The following FAM184A variants were observed in gnomAD, a reference collection of about 807,000 sequenced individuals.
The protein encoded by FAM184A is family with sequence similarity 184 member A, also known as protein FAM184A.
In FAM184A, 99 loss-of-function variants were observed where a neutral mutation model predicts 143.8. The ratio of observed to expected loss-of-function variants is 0.69; its 90% confidence interval spans 0.58 to 0.81. The LOEUF is 0.81. FAM184A is among the 40% of genes least tolerant of loss of function. The probability of loss-of-function intolerance (pLI) is 0.00; values close to 1 mark genes in which losing one functional copy is unlikely to be tolerated. For missense variants in FAM184A, 1,217 were observed against 1,310.5 expected (o/e 0.93, Z 1.10); for synonymous variants, 427 against 446.4 (o/e 0.96, Z 0.55).
At chr6:119,131,536 A>G (rs1160540144) in intron 1 of FAM184A, among the ~76,000 whole-genome samples, 1 of 151,972 alleles carries the variant, frequency 6.6e-6, no homozygotes, top group Admixed American at 6.6e-5. Flanking sequence ...CCCAGGCTGG[A>G]ATGCAGTGGT....
chr6:119,022,031 T>G (rs2114685183), intron 3 of FAM184A, among the ~76,000 whole-genome samples: 1 of 150,354 alleles, frequency 6.7e-6, no homozygotes, highest in East Asian at 2.0e-4. Context: ...TCTTGAAAAG[T>G]GTGCTTCATT....
At chr6:119,047,625 A>C (rs982330196) in intron 1 of FAM184A, among the ~76,000 whole-genome samples, 21 of 152,224 alleles carry the variant, frequency 1.4e-4, no homozygotes, top group Non-Finnish European at 2.9e-4. Flanking sequence ...TAGAAAACCT[A>C]GAAGAGATGG....
chr6:118,976,200 T>A (rs1783842002), intron 11 of FAM184A, among the ~76,000 whole-genome samples, 156 bp from the exon 12 acceptor site: 1 of 152,214 alleles, frequency 6.6e-6, no homozygotes, highest in South Asian at 2.1e-4. Context: ...ATTTAAATAT[T>A]ACAGACTACA....
intron 7 of FAM184A, chr6:119,006,128 G>C: frequency 1.3e-6 from 1 of 765,260 alleles, no homozygotes; most frequent in Non-Finnish European, 2.4e-6. Flanking sequence ...GATAGGCAGA[G>C]ATGGAAATTA....
intron 9 of FAM184A, among the ~76,000 whole-genome samples, chr6:119,002,091 T>A (rs1206928345): frequency 6.6e-6 from 1 of 152,182 alleles, no homozygotes; most frequent in Non-Finnish European, 1.5e-5. Flanking sequence ...AGACACTGCA[T>A]GTATGTAGCT....
intron 1 of FAM184A, among the ~76,000 whole-genome samples, chr6:119,040,513 G>A (rs1027071234): frequency 1.3e-5 from 2 of 152,182 alleles, no homozygotes; most frequent in African/African-American, 4.8e-5. Context: ...GGGTGGCAGG[G>A]ACTTTAGGGT....
intron 15 of FAM184A, among the ~76,000 whole-genome samples, chr6:118,966,053 T>C (rs996350937): frequency 4.6e-5 from 7 of 152,156 alleles, no homozygotes; most frequent in Admixed American, 6.6e-5. Context: ...CCCAATCTGC[T>C]ACCTGTTGCT....
intron 14 of FAM184A, among the ~76,000 whole-genome samples, chr6:118,970,010 T>A (rs866577421): frequency 0.17 from 2,388 of 14,368 alleles, 714 homozygotes; most frequent in African/African-American, 0.45. Context: ...ATATATATAT[T>A]TTTTTTTTTT....
chr6:119,049,208 G>A (rs1386891179), intron 1 of FAM184A, among the ~76,000 whole-genome samples: 7 of 152,212 alleles, frequency 4.6e-5, no homozygotes, highest in Admixed American at 3.9e-4. Context: ...AGCCCTTTGG[G>A]AGGCCAAGAC....
At chr6:119,106,637 C>G (rs1788791806) in intron 1 of FAM184A, among the ~76,000 whole-genome samples, 1 of 152,136 alleles carries the variant, frequency 6.6e-6, no homozygotes, top group South Asian at 2.1e-4. Flanking sequence ...TTGGTTGGCT[C>G]TAACTTTAGT....
At position 118,986,778 on chromosome 6, in the gene FAM184A, C is replaced by G. The variant is rs144075044; in HGVS notation, c.2089-6428G>C. Among the ~76,000 whole-genome samples the G allele has an allele frequency of 3.1e-3, 479 of 152,184 alleles. 4 individuals are homozygous for G. Among genetic ancestry groups the G allele is most frequent in the Non-Finnish European group, 5.6e-3 (379 of 68,000 alleles). ...AATTAATTTTAAAAATAATCATATC[C>G]TATTTGGGTTCTTATTTCTATCCCA... is the stretch of plus-strand genomic sequence containing the variant. On this transcript the variant is annotated intron_variant, in intron 9 of 17. Transcript: ENST00000338891.
chr6:119,025,662 C>T (rs1582521015), intron 1 of FAM184A: 1 of 515,398 alleles, frequency 1.9e-6, no homozygotes, highest in East Asian at 5.5e-5. Context: ...GGATGCCATC[C>T]ATCATGCCAC....
chr6:119,087,332 A>G (rs1430093300), intron 1 of FAM184A, among the ~76,000 whole-genome samples: 1 of 152,252 alleles, frequency 6.6e-6, no homozygotes, highest in Non-Finnish European at 1.5e-5. Context: ...ACATTTGCAG[A>G]CCATGCTTCT....
At chr6:119,067,621 TA>T (rs1232373050) in intron 1 of FAM184A, among the ~76,000 whole-genome samples, 1 of 152,176 alleles carries the variant, frequency 6.6e-6, no homozygotes, top group East Asian at 1.9e-4. Context: ...GAAACACACA[TA>T]AAACAAGGTT....
chr6:118,972,592 C>A (rs1410557096), intron 14 of FAM184A, among the ~76,000 whole-genome samples: 2 of 152,120 alleles, frequency 1.3e-5, no homozygotes, highest in Non-Finnish European at 2.9e-5. Context: ...AATACTAATT[C>A]TTTGATTATT....
chr6:119,083,087 T>C (rs1422188567), upstream of FAM184A, among the ~76,000 whole-genome samples: 2 of 152,238 alleles, frequency 1.3e-5, no homozygotes, highest in Non-Finnish European at 2.9e-5. Flanking sequence ...CCACCAAGGT[T>C]TGGGGATTAC....
At chr6:119,019,022 A>G (rs1392084721) in intron 4 of FAM184A, among the ~76,000 whole-genome samples, 1 of 152,178 alleles carries the variant, frequency 6.6e-6, no homozygotes, top group Non-Finnish European at 1.5e-5. Context: ...GAAAGGATAA[A>G]AGACTTAAAT....
At chr6:119,073,714 C>T (rs1454770998) in intron 1 of FAM184A, among the ~76,000 whole-genome samples, 2 of 152,214 alleles carry the variant, frequency 1.3e-5, no homozygotes, top group Non-Finnish European at 2.9e-5. Context: ...AAGAACTTGA[C>T]ATGTGCCTCA....
At position 118,961,911 on chromosome 6, in the gene FAM184A, T is replaced by C. The variant is rs1783339331; in HGVS notation, c.3191A>G (p.Asn1064Ser). Residue 1064 changes from asparagine (N) to serine (S), a missense_variant, in exon 17 of 18, where the codon AAT becomes AGT. By Grantham distance (46) the Asn-to-Ser change is conservative. Coordinates refer to ENST00000338891, the MANE Select transcript of FAM184A (RefSeq NM_024581.6). Reference sequence around the variant, plus strand: ...TCCACCAGATTCCAGAGCACTTAGATTGGGAACACTCACAAACCTGTTTGT... The same window carrying C: ...TCCACCAGATTCCAGAGCACTTAGACTGGGAACACTCACAAACCTGTTTGT... ...SPTNRFVSVP[N>S]LSALESGGVG... is the part of the protein sequence containing the mutation. The C allele has an allele frequency of 1.2e-6, 2 of 1,613,804 alleles. No individual in the cohort carries two copies. The highest frequency in any genetic ancestry group is 1.7e-6 in the Non-Finnish European group (2 of 1,179,882).
Sources: gnomAD v4.1 joint callset for allele counts (sites outside exome capture counted in the v4.1 genomes callset) on GRCh38, gnomAD v4.1.1 for gene constraint, MANE v1.5 for transcripts, NCBI Gene and HGNC (gene_info 2026-07-23, HGNC 2026-07-21) for gene names.